Variants in ERI3 observed in about 807,000 individuals in gnomAD.
The protein encoded by ERI3 is ERI1 exoribonuclease family member 3.
Under a neutral mutation model 44.4 loss-of-function variants are expected in ERI3, and 18 were observed. The ratio of observed to expected loss-of-function variants is 0.41; its 90% confidence interval spans 0.28 to 0.60. ERI3 has a LOEUF of 0.60. Ranked by LOEUF, ERI3 falls within the 20% of genes least tolerant of loss-of-function variation. The probability of loss-of-function intolerance (pLI) is 0.36; values close to 1 mark genes in which losing one functional copy is unlikely to be tolerated. For synonymous variants in ERI3, 183 were observed against 164.8 expected (o/e 1.11, Z -0.84); for missense variants, 294 against 435.5 (o/e 0.68, Z 2.89).
At chr1:44,236,536 G>A (rs546368298) in intron 8 of ERI3, among the ~76,000 whole-genome samples, 10 of 152,162 alleles carry the variant, frequency 6.6e-5, no homozygotes, top group Admixed American at 1.3e-4. Flanking sequence ...TCTGAGGGAT[G>A]AGGAAGAGTT....
In ERI3 at chr1:44,352,856, T is replaced by C; in HGVS notation, c.205A>G (p.Arg69Gly). The change falls in exon 2 of 9, where the codon AGG becomes GGG. Residue 69 changes from arginine (R) to glycine (G), a missense_variant. This residue lies in a region of ERI3 where 107 missense variants were observed against 96.9 expected (regional missense o/e 1.10). Coordinates refer to ENST00000372257, the MANE Select transcript of ERI3 (RefSeq NM_024066.3). ...PAAGLGIFEV[R>G]RVLDASGCSM... ...CATGCAACAGGATTCTCACCTCTCC[T>C]TACTTCGAAGATGCCAAGACCGGCA... 6.2e-7 allele frequency: 1 copy of C among 1,614,086 alleles called. No homozygotes were observed. The highest frequency in any genetic ancestry group is 1.1e-5 in the South Asian group (1 of 91,074).
At position 44,252,627 on chromosome 1, in the gene ERI3, C is replaced by T. The variant is rs932431; in HGVS notation, c.832-4589G>A. The stretch of plus-strand genomic sequence containing the variant: ...TCAGTCCCATCACAAACACGGCGCC[C>T]GGCGGCTTATGGGGGCTTAGCAGCT... On this transcript the variant is annotated intron_variant, in intron 7 of 8. Transcript: ENST00000372257. The surrounding 1 kb of genome is among the most constrained non-coding windows in gnomAD (Gnocchi z 4.7). Among the ~76,000 whole-genome samples the T allele has an allele frequency of 0.048, 7,368 of 152,260 alleles. 232 individuals carry two copies. The highest frequency in any genetic ancestry group is 0.11 in the South Asian group (523 of 4,828).
intron 4 of ERI3, among the ~76,000 whole-genome samples, chr1:44,316,590 G>A (rs1047090794): frequency 2.6e-5 from 4 of 152,240 alleles, no homozygotes; most frequent in South Asian, 2.1e-4. Flanking sequence ...CAACACAATC[G>A]TATTCTGACA....
chr1:44,316,653 A>C (rs1646093998), intron 4 of ERI3, among the ~76,000 whole-genome samples: 1 of 152,212 alleles, frequency 6.6e-6, no homozygotes, highest in South Asian at 2.1e-4. Flanking sequence ...GCAATCTGAT[A>C]ATCAGACCCA....
At chr1:44,328,458 T>C (rs538380456) in intron 3 of ERI3, among the ~76,000 whole-genome samples, 16 of 152,128 alleles carry the variant, frequency 1.1e-4, no homozygotes, top group Non-Finnish European at 2.4e-4. Context: ...GCCTTGGTTT[T>C]AACAGCCCTC....
intron 4 of ERI3, among the ~76,000 whole-genome samples, chr1:44,318,502 T>C (rs959135003): frequency 4.6e-5 from 7 of 152,158 alleles, no homozygotes; most frequent in African/African-American, 1.7e-4. Context: ...GAACCCAACA[T>C]CATTAGTTGG....
intron 6 of ERI3, among the ~76,000 whole-genome samples, chr1:44,289,583 T>C (rs1229673605): frequency 6.6e-6 from 1 of 152,206 alleles, no homozygotes; most frequent in East Asian, 1.9e-4. Context: ...TGTAAGAAAC[T>C]GCCCCTCACC....
chr1:44,247,802 A>T, intron 8 of ERI3, 137 bp downstream of exon 8: 2 of 495,688 alleles, frequency 4.0e-6, no homozygotes, highest in Non-Finnish European at 6.8e-6. Context: ...CCCCCCTTCC[A>T]CCATCCCCCC....
At chr1:44,352,695 T>A (rs560764582) in intron 2 of ERI3, among the ~76,000 whole-genome samples, 155 bp downstream of exon 2, 1 of 152,288 alleles carries the variant, frequency 6.6e-6, no homozygotes, top group Admixed American at 6.5e-5. Context: ...TATGTTACTT[T>A]ATCAGAAGAA....
chr1:44,308,336 G>C lies in ERI3; in HGVS notation c.732C>G (p.Thr244=). The change falls in exon 6 of 9, where the codon ACC becomes ACG. Residue 244 remains threonine (T), a synonymous_variant. Coordinates refer to ENST00000372257, the MANE Select transcript of ERI3 (RefSeq NM_024066.3). ...LDPNVKSIFV[T]CGDWDLKVML... The stretch of plus-strand genomic sequence containing the variant: ...TGACTTTTAAGTCCCAGTCTCCACA[G>C]GTGACAAAAATTGACTTGACGTTTG... 6.2e-7 allele frequency: 1 copy of C among 1,614,126 alleles called. No homozygotes were observed. The highest frequency in any genetic ancestry group is 1.1e-5 in the South Asian group (1 of 91,086).
At chr1:44,324,556 A>G (rs1646269501) in intron 3 of ERI3, among the ~76,000 whole-genome samples, 1 of 134,852 alleles carries the variant, frequency 7.4e-6, no homozygotes, top group Non-Finnish European at 1.5e-5. Flanking sequence ...ATCTTGGCTC[A>G]CTGCAAGCTC....
chr1:44,232,944 T>C (rs2154316199), intron 8 of ERI3, among the ~76,000 whole-genome samples: 1 of 152,358 alleles, frequency 6.6e-6, no homozygotes, highest in East Asian at 1.9e-4. Context: ...TGTCTGCCTT[T>C]GGAGCCTGGA....
chr1:44,230,029 A>T (rs1290025216), intron 8 of ERI3, among the ~76,000 whole-genome samples: 2 of 152,088 alleles, frequency 1.3e-5, no homozygotes, highest in Non-Finnish European at 2.9e-5. Flanking sequence ...TTAAATATGT[A>T]TATCTTATTA....
intron 7 of ERI3, among the ~76,000 whole-genome samples, chr1:44,260,738 T>C (rs1644876975): frequency 6.6e-6 from 1 of 150,602 alleles, no homozygotes; most frequent in Admixed American, 6.6e-5. Flanking sequence ...TTCATTCAAC[T>C]CCCCCACCCC....
At chr1:44,314,075 C>T (rs185813793) in intron 4 of ERI3, among the ~76,000 whole-genome samples, 3 of 152,132 alleles carry the variant, frequency 2.0e-5, no homozygotes, top group Non-Finnish European at 2.9e-5. Context: ...AAATCACCAC[C>T]CCCAGCATGT....
chr1:44,286,693 G>A (rs1351019287), intron 6 of ERI3, among the ~76,000 whole-genome samples: 11 of 152,262 alleles, frequency 7.2e-5, no homozygotes, highest in Admixed American at 2.6e-4. Flanking sequence ...TTTTGGACTC[G>A]ATTCTTAGAA....
chr1:44,241,805 C>CAT lies in ERI3; in HGVS notation c.931+6133_931+6134insAT, dbSNP rs539987799. On this transcript the variant is annotated intron_variant, in intron 8 of 8. Coordinates refer to ENST00000372257, the MANE Select transcript of ERI3 (RefSeq NM_024066.3). The surrounding 1 kb of genome is among the most constrained non-coding windows in gnomAD (Gnocchi z 5.6). ...TTCCTAAAGAATCAAACACACATAA[C>CAT]ACATACATACATACATACATACATA... 2.3e-5 allele frequency: 4 copies of CAT among 175,434 alleles called. No homozygotes were observed. Among genetic ancestry groups the CAT allele is most frequent in the African/African-American group, 2.5e-5 (1 of 40,320 alleles). 10.9% of individuals were successfully genotyped at this position (175,434 alleles called of 1,614,324 possible).
chr1:44,247,898 CGATG>C, intron 8 of ERI3, 37 bp downstream of exon 8: 11 of 1,539,746 alleles, frequency 7.1e-6, no homozygotes, highest in Non-Finnish European at 9.8e-6. Flanking sequence ...GGGCAAGGGA[CGATG>C]GATGGAGCTG....
chr1:44,238,499 G>C (rs983488741), intron 8 of ERI3, among the ~76,000 whole-genome samples: 1 of 152,126 alleles, frequency 6.6e-6, no homozygotes, highest in African/African-American at 2.4e-5. Flanking sequence ...AGATCTTGAG[G>C]TGCCAGGTTC....
Sources: allele counts gnomAD v4.1 joint callset (sites outside exome capture counted in the v4.1 genomes callset), GRCh38; gene constraint gnomAD v4.1.1; regional missense constraint gnomAD v4.1.1; non-coding constraint Gnocchi (gnomAD v3.1); transcripts MANE v1.5; gene names NCBI Gene and HGNC (gene_info 2026-07-23, HGNC 2026-07-21).